The following COL22A1 variants were observed in gnomAD, a reference collection of about 807,000 sequenced individuals.
The protein encoded by COL22A1 is collagen type XXII alpha 1 chain.
In COL22A1, 221 loss-of-function variants were observed where a neutral mutation model predicts 248.9. That is an observed-to-expected ratio of 0.89 (90% CI 0.80 to 0.99). The LOEUF (loss-of-function observed/expected upper bound fraction) is 0.99. Among genes scored for constraint, COL22A1 ranks in the 50% least tolerant of loss-of-function variants. The pLI is 0.00. For missense variants in COL22A1, 2,240 were observed against 2,179.0 expected, an observed-to-expected ratio of 1.03 and a Z score of -0.56; for synonymous variants, 891 against 793.4, an observed-to-expected ratio of 1.12 and a Z score of -2.07.
At chr8:138,599,457 C>T (rs991235007) in intron 60 of COL22A1, among the ~76,000 whole-genome samples, 6 of 152,064 alleles carry the variant, frequency 3.9e-5, no homozygotes, top group East Asian at 3.9e-4. Context: ...CCAGCCTGGG[C>T]GACAGAGCAA....
At position 138,811,936 on chromosome 8, in the gene COL22A1, C is replaced by T. The variant is rs750971503; in HGVS notation, c.1327-15G>A. ...GTCACCTGGCACTGGAAGGAAAGCCCAGGAGGTCAGAACCTGGCTCTTCAC... is the reference window on the plus strand; with the variant it reads ...GTCACCTGGCACTGGAAGGAAAGCCTAGGAGGTCAGAACCTGGCTCTTCAC... On this transcript the variant is annotated splice_polypyrimidine_tract_variant and intron_variant, in intron 8 of 64. Coordinates refer to ENST00000303045, the MANE Select transcript of COL22A1 (RefSeq NM_152888.3). 189 of 1,532,018 alleles carry T rather than the reference C, an allele frequency of 1.2e-4. No individual in the cohort carries two copies. Among genetic ancestry groups the T allele is most frequent in the Non-Finnish European group, 1.5e-4 (172 of 1,138,532 alleles). 94.9% of individuals were successfully genotyped at this position (1,532,018 alleles called of 1,614,324 possible). A position where few individuals can be genotyped will look rare whatever the true frequency, so the allele number is the denominator to read the frequency against.
At chr8:138,887,051 T>C (rs1303414812) in intron 1 of COL22A1, among the ~76,000 whole-genome samples, 1 of 152,072 alleles carries the variant, frequency 6.6e-6, no homozygotes, top group African/African-American at 2.4e-5. Context: ...ATCCTTCGAG[T>C]CACAAGCAAT....
chr8:138,775,934 C>T (rs755645760), intron 16 of COL22A1, 32 bp downstream of exon 16: 13 of 1,607,046 alleles, frequency 8.1e-6, no homozygotes, highest in East Asian at 6.7e-5. Flanking sequence ...TATGGAAAGC[C>T]GTATTGATGA....
intron 43 of COL22A1, among the ~76,000 whole-genome samples, chr8:138,660,887 C>A (rs374394620): frequency 0.69 from 90,384 of 131,680 alleles, 32,354 homozygotes; most frequent in Non-Finnish European, 0.82. Flanking sequence ...CACACACATA[C>A]ACAGACACAC....
At chr8:138,689,234 C>A (rs987297127) in intron 36 of COL22A1, among the ~76,000 whole-genome samples, 2 of 152,130 alleles carry the variant, frequency 1.3e-5, no homozygotes, top group South Asian at 4.2e-4. Flanking sequence ...AGCTTTACCG[C>A]CTGCTCTGGA....
chr8:138,808,846 C>T (rs982458330), intron 9 of COL22A1, among the ~76,000 whole-genome samples: 1 of 152,208 alleles, frequency 6.6e-6, no homozygotes, highest in Non-Finnish European at 1.5e-5. Flanking sequence ...TGTGTTTCTC[C>T]TCACCTAGCG....
chr8:138,844,964 A>G (rs1412981266), intron 3 of COL22A1, among the ~76,000 whole-genome samples: 2 of 151,764 alleles, frequency 1.3e-5, no homozygotes, highest in Non-Finnish European at 2.9e-5. Context: ...AAAAAAAAAA[A>G]AAAAGGAAAG....
At chr8:138,853,717 G>C (rs1185733111) in intron 3 of COL22A1, among the ~76,000 whole-genome samples, 2 of 152,138 alleles carry the variant, frequency 1.3e-5, no homozygotes, top group African/African-American at 4.8e-5. Flanking sequence ...AAAGAAAAAG[G>C]AAAGACATGT....
intron 60 of COL22A1, 32 bp downstream of exon 60, chr8:138,602,083 G>A (rs1319917975): frequency 1.9e-6 from 3 of 1,613,494 alleles, no homozygotes; most frequent in East Asian, 4.5e-5. Context: ...GTCGCGTTCG[G>A]CGTGTTCAAG....
intron 1 of COL22A1, among the ~76,000 whole-genome samples, chr8:138,901,148 T>C (rs2132156359): frequency 6.6e-6 from 1 of 151,076 alleles, no homozygotes; most frequent in East Asian, 1.9e-4. Flanking sequence ...GAAAGAAGTT[T>C]CATTAAAAGC....
intron 1 of COL22A1, among the ~76,000 whole-genome samples, chr8:138,908,122 G>T (rs1815163753): frequency 6.6e-6 from 1 of 152,168 alleles, no homozygotes; most frequent in Non-Finnish European, 1.5e-5. Context: ...TCCACAGCAA[G>T]CATTAAACCA....
At chr8:138,896,894 A>G (rs1428632163) in intron 1 of COL22A1, among the ~76,000 whole-genome samples, 1 of 151,506 alleles carries the variant, frequency 6.6e-6, no homozygotes, top group Non-Finnish European at 1.5e-5. Flanking sequence ...AATCACTTGA[A>G]CTCGGGAGGC....
chr8:138,694,377 T>A, intron 34 of COL22A1, 131 bp downstream of exon 34: 1 of 925,866 alleles, frequency 1.1e-6, no homozygotes, highest in Non-Finnish European at 1.8e-6. Flanking sequence ...TGCAGCACAT[T>A]GGGGCTGCTC....
At chr8:138,690,439 C>T (rs750483782) in intron 36 of COL22A1, among the ~76,000 whole-genome samples, 60 of 152,226 alleles carry the variant, frequency 3.9e-4, no homozygotes, top group Non-Finnish European at 7.9e-4. Flanking sequence ...AGGGGCTTGC[C>T]AAGATGGTCA....
chr8:138,690,370 AG>A (rs1426919797), intron 36 of COL22A1, among the ~76,000 whole-genome samples: 1 of 152,208 alleles, frequency 6.6e-6, no homozygotes, highest in African/African-American at 2.4e-5. Context: ...GCAACCCTAA[AG>A]GTGAAGCAGC....
At chr8:138,771,713 G>C (rs924689623) in intron 16 of COL22A1, among the ~76,000 whole-genome samples, 4 of 152,214 alleles carry the variant, frequency 2.6e-5, no homozygotes, top group African/African-American at 9.6e-5. Flanking sequence ...TGTTAGTTAT[G>C]GACCGGACGC....
chr8:138,777,837 A>G (rs867551623), intron 15 of COL22A1: 24 of 165,542 alleles, frequency 1.4e-4, no homozygotes, highest in Middle Eastern at 3.0e-3. Flanking sequence ...ATACGTGTGC[A>G]TGTGTCTTTA....
intron 9 of COL22A1, among the ~76,000 whole-genome samples, chr8:138,810,040 G>A (rs1244545777): frequency 6.6e-6 from 1 of 152,076 alleles, no homozygotes; most frequent in Non-Finnish European, 1.5e-5. Context: ...ACAAATAGAA[G>A]TACAGGGAGA....
chr8:138,591,920 G>A (rs149455091), intron 63 of COL22A1, among the ~76,000 whole-genome samples: 184 of 152,200 alleles, frequency 1.2e-3, no homozygotes, highest in Middle Eastern at 3.4e-3. Context: ...CTCATATGCC[G>A]TACACACAGA....
Sources: gnomAD v4.1 joint callset for allele counts (sites outside exome capture counted in the v4.1 genomes callset) on GRCh38, gnomAD v4.1.1 for gene constraint, MANE v1.5 for transcripts, NCBI Gene and HGNC (gene_info 2026-07-23, HGNC 2026-07-21) for gene names.